The following MCM10 variants were observed in gnomAD, a reference collection of about 807,000 sequenced individuals.
The protein encoded by MCM10 is minichromosome maintenance 10 replication initiation factor.
MCM10 carries 91 observed loss-of-function variants against 109.9 expected under a neutral mutation model. The observed-to-expected ratio is 0.83, with a 90% CI of 0.70 to 0.99. The LOEUF (loss-of-function observed/expected upper bound fraction) is 0.99, where lower values mean the gene tolerates loss of function less well. Ranked by LOEUF, MCM10 falls within the 50% of genes least tolerant of loss-of-function variation. MCM10 has a pLI of 0.00. For synonymous variants in MCM10, 380 were observed against 387.2 expected (o/e 0.98, Z 0.22); for missense variants, 1,077 against 1,061.2 (o/e 1.01, Z -0.21).
rs1491379684 is a variant in MCM10 at position 13,166,657 on chromosome 10, C to CATATATAT, written c.7+2451_7+2452insTATATATA. Among the ~76,000 whole-genome samples the CATATATAT allele has an allele frequency of 2.4e-3, 47 of 19,946 alleles. 1 individual carries two copies. The highest frequency in any genetic ancestry group is 6.6e-3 in the African/African-American group (45 of 6,798). The allele number at this position is 19,946 out of a possible 152,430, so 13.1% of individuals were successfully genotyped here. A position where few individuals can be genotyped will look rare whatever the true frequency, so the allele number is the denominator to read the frequency against. ...TCTCAAAAAAAAAAAAAAATACATACATACATATATATATATATATATATA... is the reference window on the plus strand; with the variant it reads ...TCTCAAAAAAAAAAAAAAATACATACATATATATATACATATATATATATATATATATA... On this transcript the variant is annotated intron_variant, in intron 2 of 19. Coordinates refer to ENST00000378714, the MANE Select transcript of MCM10 (RefSeq NM_018518.5).
chr10:13,198,159 G>A (rs980619442), intron 15 of MCM10, among the ~76,000 whole-genome samples: 3 of 151,968 alleles, frequency 2.0e-5, no homozygotes, highest in East Asian at 3.9e-4. Flanking sequence ...TGATCCGCCC[G>A]CCTTGACCTC....
intron 1 of MCM10, among the ~76,000 whole-genome samples, chr10:13,162,723 T>A (rs984870937): frequency 1.3e-5 from 2 of 152,050 alleles, no homozygotes; most frequent in African/African-American, 4.8e-5. Flanking sequence ...GTCCAATAGG[T>A]TCCCCAGTAG....
intron 14 of MCM10, among the ~76,000 whole-genome samples, chr10:13,195,767 C>T (rs1242138706): frequency 1.3e-5 from 2 of 151,874 alleles, no homozygotes; most frequent in Non-Finnish European, 2.9e-5. Flanking sequence ...CCTACCACCA[C>T]GCCCGGCTAA....
At chr10:13,177,996 T>TTC (rs1241383838) in intron 6 of MCM10, among the ~76,000 whole-genome samples, 1 of 152,226 alleles carries the variant, frequency 6.6e-6, no homozygotes, top group Non-Finnish European at 1.5e-5. Flanking sequence ...TACCTGTGCT[T>TTC]TCGTGTTACT....
At position 13,170,980 on chromosome 10, in the gene MCM10, G is replaced by T; in HGVS notation, c.66G>T (p.Leu22Phe). ...TGCTGGAAGAAAATGAGTCAGCCTT[G>T]GATTGTAATTCAGAAGAAAATAACT... The part of the protein sequence containing the change: ...TALLEENESA[L>F]DCNSEENNFL... The change falls in exon 3 of 20, where the codon TTG (leucine) becomes TTT (phenylalanine). Residue 22 changes from leucine to phenylalanine, a missense_variant. Transcript: ENST00000378714. The T allele has an allele frequency of 6.2e-7, 1 of 1,614,222 alleles. No individual in the cohort carries two copies. Among genetic ancestry groups the T allele is most frequent in the Non-Finnish European group, 8.5e-7 (1 of 1,180,042 alleles).
At chr10:13,199,794 G>A (rs1443440010) in intron 16 of MCM10, among the ~76,000 whole-genome samples, 5 of 152,180 alleles carry the variant, frequency 3.3e-5, no homozygotes, top group Non-Finnish European at 2.9e-5. Context: ...GGCTCACATA[G>A]GTTTGTGTCT....
chr10:13,197,556 A>G, intron 14 of MCM10, 67 bp from the exon 15 acceptor site: 1 of 1,455,692 alleles, frequency 6.9e-7, no homozygotes, highest in Non-Finnish European at 9.4e-7. Context: ...TAAAAAAGGG[A>G]TCCAGGTCTA....
Position 13,172,513 on chromosome 10 carries a change from A to T in MCM10, c.454+33A>T. The T allele has an allele frequency of 6.2e-7, 1 of 1,605,656 alleles. No individual in the cohort carries two copies. Among genetic ancestry groups the T allele is most frequent in the Non-Finnish European group, 8.5e-7 (1 of 1,172,970 alleles). On this transcript the variant is annotated intron_variant, in intron 4 of 19. Coordinates refer to ENST00000378714, the MANE Select transcript of MCM10 (RefSeq NM_018518.5). The surrounding 1 kb of genome is among the most constrained non-coding windows in gnomAD (Gnocchi z 5.2). ...GACTGTCATTCTGGCAATCGTGTGC[A>T]TTTATTTTATTAGAAATTATCACAT...
chr10:13,166,581 G>T (rs1485246603), intron 2 of MCM10, among the ~76,000 whole-genome samples: 6 of 149,750 alleles, frequency 4.0e-5, no homozygotes, highest in Non-Finnish European at 8.9e-5. Flanking sequence ...GTTGCAGTGA[G>T]CCGAGATCGT....
chr10:13,177,290 A>T (rs1834153787), intron 6 of MCM10, among the ~76,000 whole-genome samples: 1 of 152,150 alleles, frequency 6.6e-6, no homozygotes, highest in Non-Finnish European at 1.5e-5. Flanking sequence ...CCTTAAAAAT[A>T]CTCTAAAGGA....
chr10:13,193,735 T>G (rs1005612983), intron 13 of MCM10, among the ~76,000 whole-genome samples: 2 of 152,174 alleles, frequency 1.3e-5, no homozygotes, highest in Admixed American at 6.5e-5. Context: ...ATGACATAAA[T>G]TATATACGTG....
At chr10:13,203,537 C>T (rs1462807275) in intron 17 of MCM10, among the ~76,000 whole-genome samples, 1 of 152,164 alleles carries the variant, frequency 6.6e-6, no homozygotes, top group Non-Finnish European at 1.5e-5. Context: ...GGGCCATCGT[C>T]ATGCCAGCCT....
Position 13,171,249 on chromosome 10 carries a change from A to G in MCM10, c.335A>G (p.Asn112Ser), listed in dbSNP as rs1275241741. ...CCTGCCCCCAGGCGAGAGAAAACGA[A>G]TGAAGAGTTGCAAGGTGCCCTAACT... The part of the protein sequence containing the change: ...PAPAPRREKT[N>S]EELQEELRNL... Residue 112 changes from asparagine (N) to serine (S), a missense_variant, in exon 3 of 20, where the codon AAT becomes AGT. Coordinates refer to ENST00000378714, the MANE Select transcript of MCM10 (RefSeq NM_018518.5). 1 of 1,609,586 alleles carries G rather than the reference A, an allele frequency of 6.2e-7. No homozygotes were observed. The highest frequency in any genetic ancestry group is 8.5e-7 in the Non-Finnish European group (1 of 1,177,938).
chr10:13,183,629 T>C (rs1834237322), intron 8 of MCM10, among the ~76,000 whole-genome samples: 1 of 152,200 alleles, frequency 6.6e-6, no homozygotes, highest in Non-Finnish European at 1.5e-5. Context: ...CTTTTCAAAT[T>C]AGTTACAAAG....
At chr10:13,183,247 A>T in intron 8 of MCM10, 147 bp downstream of exon 8, 1 of 839,628 alleles carries the variant, frequency 1.2e-6, no homozygotes, top group Non-Finnish European at 1.8e-6. Flanking sequence ...ACTTGAGCCC[A>T]GGAGTTCAAG....
At chr10:13,176,700 TA>T (rs1349533808) in intron 6 of MCM10, among the ~76,000 whole-genome samples, 3 of 152,158 alleles carry the variant, frequency 2.0e-5, no homozygotes, top group Non-Finnish European at 4.4e-5. Flanking sequence ...AGCTCGAGAC[TA>T]GCTGGGGTAA....
intron 14 of MCM10, among the ~76,000 whole-genome samples, chr10:13,196,280 G>T (rs1030487771): frequency 1.3e-5 from 2 of 152,134 alleles, no homozygotes; most frequent in Non-Finnish European, 2.9e-5. Flanking sequence ...TGCGGCTGAA[G>T]TAGGGGTAGG....
At chr10:13,203,047 G>A (rs1338871536) in intron 17 of MCM10, among the ~76,000 whole-genome samples, 1 of 152,080 alleles carries the variant, frequency 6.6e-6, no homozygotes, top group Non-Finnish European at 1.5e-5. Flanking sequence ...GTTTCACTAT[G>A]TTGGACATGC....
rs184942849 is a variant in MCM10 at position 13,166,362 on chromosome 10, G to A, written c.7+2153G>A. Among the ~76,000 whole-genome samples the A allele has an allele frequency of 2.3e-3, 350 of 152,156 alleles. 3 individuals carry two copies. The highest frequency in any genetic ancestry group is 7.7e-3 in the African/African-American group (320 of 41,478). ...GTAAAATATAAGCCAAGGGCTGGGC[G>A]CTGTGGCTCACGCCTGTAATCCCAG... On this transcript the variant is annotated intron_variant, in intron 2 of 19. Transcript: ENST00000378714.
Sources: gnomAD v4.1 joint callset for allele counts (sites outside exome capture counted in the v4.1 genomes callset) on GRCh38, gnomAD v4.1.1 for gene constraint, Gnocchi (gnomAD v3.1) non-coding constraint, MANE v1.5 for transcripts, NCBI Gene and HGNC (gene_info 2026-07-23, HGNC 2026-07-21) for gene names.